The following PDE3A variants were observed in gnomAD, a reference collection of about 807,000 sequenced individuals.
The protein encoded by PDE3A is phosphodiesterase 3A.
A neutral mutation model predicts 98.3 loss-of-function variants in PDE3A; 43 were observed. The observed-to-expected ratio is 0.44, with a 90% CI of 0.34 to 0.56. The LOEUF is 0.56. Among genes scored for constraint, PDE3A ranks in the 20% least tolerant of loss-of-function variants. The pLI, the probability that PDE3A is intolerant of heterozygous loss-of-function variation, is 0.01. For synonymous variants in PDE3A, 663 were observed against 567.9 expected (o/e 1.17, Z -2.38); for missense variants, 1,427 against 1,440.7 (o/e 0.99, Z 0.15).
intron 10 of PDE3A, among the ~76,000 whole-genome samples, chr12:20,641,379 C>G (rs1944644801): frequency 6.6e-6 from 1 of 152,056 alleles, no homozygotes; most frequent in African/African-American, 2.4e-5. Flanking sequence ...GCCTTGCTTT[C>G]TTAATACAGT....
chr12:20,594,688 A>T (rs1047506314), intron 2 of PDE3A, among the ~76,000 whole-genome samples: 7 of 152,106 alleles, frequency 4.6e-5, no homozygotes, highest in Non-Finnish European at 1.0e-4. Context: ...TTTGATTATT[A>T]ATTTGCCTCT....
At chr12:20,383,751 A>G (rs1943699932) in intron 1 of PDE3A, among the ~76,000 whole-genome samples, 1 of 151,942 alleles carries the variant, frequency 6.6e-6, no homozygotes, top group South Asian at 2.1e-4. Context: ...GTGACAGAAG[A>G]TGGAAAAAGG....
intron 2 of PDE3A, among the ~76,000 whole-genome samples, chr12:20,580,870 T>C (rs1261351481): frequency 6.6e-6 from 1 of 152,294 alleles, no homozygotes; most frequent in East Asian, 1.9e-4. Flanking sequence ...GCTAATGGTA[T>C]AAATTAACCT....
Position 20,681,874 on chromosome 12 carries a change from A to AT in PDE3A, c.*1610dup, listed in dbSNP as rs1477257250. 2.0e-5 allele frequency: 3 copies of AT among 152,080 alleles called. No individual in the cohort carries two copies. Among genetic ancestry groups the AT allele is most frequent in the Non-Finnish European group, 4.4e-5 (3 of 68,014 alleles). The allele number at this position is 152,080 out of a possible 1,614,324, so 9.4% of individuals were successfully genotyped here. ...TAGTTATCTTGATGTAAATATGAAG[A>AT]TTTTTTTGTTTCTGTAGATAGTAAA... On this transcript the variant is annotated 3_prime_UTR_variant, in exon 16 of 16. Coordinates refer to ENST00000359062, the MANE Select transcript of PDE3A (RefSeq NM_000921.5).
intron 1 of PDE3A, among the ~76,000 whole-genome samples, chr12:20,523,307 T>A (rs1946463120): frequency 6.6e-6 from 1 of 152,136 alleles, no homozygotes; most frequent in Non-Finnish European, 1.5e-5. Context: ...TCCCAGCTTA[T>A]GGGATCCAGA....
At chr12:20,437,255 A>G (rs1944793160) in intron 1 of PDE3A, among the ~76,000 whole-genome samples, 1 of 152,172 alleles carries the variant, frequency 6.6e-6, no homozygotes, top group South Asian at 2.1e-4. Context: ...ATTAGTTAAA[A>G]GTTTGTTATG....
At chr12:20,531,646 A>G (rs1180728200) in intron 1 of PDE3A, among the ~76,000 whole-genome samples, 5 of 152,134 alleles carry the variant, frequency 3.3e-5, no homozygotes, top group Non-Finnish European at 7.4e-5. Context: ...GAGACTTAAA[A>G]CTTAGTGTGA....
chr12:20,568,914 T>C (rs1046257265), intron 2 of PDE3A, among the ~76,000 whole-genome samples: 2 of 151,930 alleles, frequency 1.3e-5, no homozygotes, highest in African/African-American at 4.8e-5. Context: ...ACAAGCAAAA[T>C]TGGTTGATTT....
chr12:20,438,645 C>T (rs1171289607), intron 1 of PDE3A, among the ~76,000 whole-genome samples: 1 of 152,166 alleles, frequency 6.6e-6, no homozygotes, highest in Non-Finnish European at 1.5e-5. Flanking sequence ...TGTGAGTTAG[C>T]ATGTTTCCTC....
chr12:20,579,453 T>C (rs1943015500), intron 2 of PDE3A, among the ~76,000 whole-genome samples: 2 of 152,186 alleles, frequency 1.3e-5, no homozygotes, highest in African/African-American at 4.8e-5. Flanking sequence ...ATTTGTCTCT[T>C]ATACCTTGTC....
intron 10 of PDE3A, among the ~76,000 whole-genome samples, chr12:20,642,610 T>C (rs1944670363): frequency 6.6e-6 from 1 of 152,174 alleles, no homozygotes; most frequent in African/African-American, 2.4e-5. Flanking sequence ...CCCTAACACC[T>C]CTCATTCTGA....
At chr12:20,541,347 C>T (rs1404909213) in intron 1 of PDE3A, among the ~76,000 whole-genome samples, 7 of 151,938 alleles carry the variant, frequency 4.6e-5, no homozygotes, top group Non-Finnish European at 8.8e-5. Context: ...TCAACTGATC[C>T]TCTCACCTCA....
In PDE3A at chr12:20,613,760, G is replaced by T. The variant is rs1418106838; in HGVS notation, c.1269+60G>T. On this transcript the variant is annotated intron_variant, in intron 3 of 15. Coordinates refer to ENST00000359062, the MANE Select transcript of PDE3A (RefSeq NM_000921.5). ...ACTATTTTTTTTAATTGTCTTCTAG[G>T]TCTCCTTCCTGTCACCTCAACTCCA... is the stretch of plus-strand genomic sequence containing the variant. 3.8e-6 allele frequency: 5 copies of T among 1,331,072 alleles called. No homozygotes were observed. In the Admixed American group the frequency reaches 8.8e-5, roughly 24 times the overall value. The allele number at this position is 1,331,072 out of a possible 1,614,324, so 82.5% of individuals were successfully genotyped here.
intron 4 of PDE3A, among the ~76,000 whole-genome samples, chr12:20,620,235 G>A (rs1944100710): frequency 6.6e-6 from 1 of 151,884 alleles, no homozygotes; most frequent in African/African-American, 2.4e-5. Flanking sequence ...TTTACAATAG[G>A]CTACCCAGAC....
chr12:20,632,299 T>A (rs1264161808), intron 6 of PDE3A, among the ~76,000 whole-genome samples: 1 of 152,186 alleles, frequency 6.6e-6, no homozygotes, highest in African/African-American at 2.4e-5. Context: ...AGTTACTTAG[T>A]ATGCAGATAC....
intron 1 of PDE3A, among the ~76,000 whole-genome samples, chr12:20,521,075 T>C (rs752857033): frequency 6.6e-5 from 10 of 152,116 alleles, no homozygotes; most frequent in Non-Finnish European, 1.0e-4. Context: ...GTTTTATTTG[T>C]TGTATACCTT....
intron 2 of PDE3A, among the ~76,000 whole-genome samples, chr12:20,587,443 T>C (rs1170555406): frequency 1.3e-5 from 2 of 152,196 alleles, no homozygotes; most frequent in African/African-American, 4.8e-5. Flanking sequence ...GGATGAATTT[T>C]TTTTTTTAAT....
Position 20,633,336 on chromosome 12 carries a change from C to T in PDE3A, c.1761-357C>T, listed in dbSNP as rs112039107. The stretch of plus-strand genomic sequence containing the variant: ...TAACTTTTGTCTAAATATAGGTCAA[C>T]ACCTGCAAAATGGCTACTATAAGTA... On this transcript the variant is annotated intron_variant, in intron 6 of 15. Coordinates refer to ENST00000359062, the MANE Select transcript of PDE3A (RefSeq NM_000921.5). 9.1e-3 allele frequency among the ~76,000 whole-genome samples: 1,386 copies of T among 152,240 alleles called. 9 individuals are homozygous for T. The highest frequency in any genetic ancestry group is 0.017 in the Non-Finnish European group (1,133 of 68,008).
intron 1 of PDE3A, among the ~76,000 whole-genome samples, chr12:20,376,099 A>G (rs1943567039): frequency 6.6e-6 from 1 of 151,926 alleles, no homozygotes; most frequent in Admixed American, 6.6e-5. Flanking sequence ...TATTTCATTT[A>G]GGACATGTTA....
Sources: gnomAD v4.1 joint callset for allele counts (sites outside exome capture counted in the v4.1 genomes callset) on GRCh38, gnomAD v4.1.1 for gene constraint, MANE v1.5 for transcripts, NCBI Gene and HGNC (gene_info 2026-07-23, HGNC 2026-07-21) for gene names.